Variants in E2F6 observed in about 807,000 individuals in gnomAD.
E2F6 encodes the protein transcription factor E2F6.
Under a neutral mutation model 31.5 loss-of-function variants are expected in E2F6, and 19 were observed. The ratio of observed to expected loss-of-function variants is 0.60; its 90% confidence interval spans 0.42 to 0.89. The LOEUF is 0.89. E2F6 is among the 40% of genes least tolerant of loss of function. E2F6 has a pLI of 0.00. For synonymous variants in E2F6, 121 were observed against 127.7 expected (o/e 0.95, Z 0.36); for missense variants, 269 against 341.6 (o/e 0.79, Z 1.67).
chr2:11,457,011 C>T, intron 2 of E2F6, 168 bp downstream of exon 2: 1 of 592,838 alleles, frequency 1.7e-6, no homozygotes, highest in East Asian at 3.0e-5. Flanking sequence ...GCACATGATT[C>T]AACCCATAAC....
chr2:11,459,364 C>T (rs988773755), intron 1 of E2F6, among the ~76,000 whole-genome samples: 1 of 152,164 alleles, frequency 6.6e-6, no homozygotes, highest in African/African-American at 2.4e-5. Context: ...GAAATAACAC[C>T]TCAGTTAGGC....
rs1032919153 is a variant in E2F6 at position 11,445,942 on chromosome 2, T to G, written c.*535A>C. 3 of 152,610 alleles carry G rather than the reference T, an allele frequency of 2.0e-5. No homozygotes were observed. Among genetic ancestry groups the G allele is most frequent in the African/African-American group, 7.2e-5 (3 of 41,418 alleles). The allele number at this position is 152,610 out of a possible 1,614,324, so 9.5% of individuals were successfully genotyped here. A position where few individuals can be genotyped will look rare whatever the true frequency, so the allele number is the denominator to read the frequency against. On this transcript the variant is annotated 3_prime_UTR_variant, in exon 7 of 7. Coordinates refer to ENST00000381525, the MANE Select transcript of E2F6 (RefSeq NM_198256.4). ...GAGATTAGAGAATTTGTCTGTCACT[T>G]TCCATATATACATTATTTTGGCTGT...
At chr2:11,463,140 T>C (rs1280749291) in intron 1 of E2F6, among the ~76,000 whole-genome samples, 1 of 152,196 alleles carries the variant, frequency 6.6e-6, no homozygotes, top group Non-Finnish European at 1.5e-5. Flanking sequence ...AGACCACCAA[T>C]ACAGATGGTA....
intron 3 of E2F6, among the ~76,000 whole-genome samples, 198 bp downstream of exon 3, chr2:11,453,384 T>C (rs931692592): frequency 1.3e-5 from 2 of 152,162 alleles, no homozygotes; most frequent in African/African-American, 2.4e-5. Context: ...CAATAATCAA[T>C]TGGAACTGAG....
chr2:11,452,351 C>T (rs1349267012), intron 3 of E2F6, among the ~76,000 whole-genome samples: 1 of 152,166 alleles, frequency 6.6e-6, no homozygotes, highest in Non-Finnish European at 1.5e-5. Flanking sequence ...CGCCTGTAAT[C>T]CCAGCACTTT....
At position 11,466,028 on chromosome 2, in the gene E2F6, G is replaced by C; in HGVS notation, c.-149C>G. 1.5e-6 allele frequency: 1 copy of C among 647,170 alleles called. No homozygotes were observed. The highest frequency in any genetic ancestry group is 2.4e-6 in the Non-Finnish European group (1 of 408,942). 40.1% of individuals were successfully genotyped at this position (647,170 alleles called of 1,614,324 possible). ...CTTCCTCCGAGGCGCCGCCCGGCTA[G>C]GCCGTCCCGCCCGCCAGTAAACGCG... is the stretch of plus-strand genomic sequence containing the variant. On this transcript the variant is annotated 5_prime_UTR_variant, in exon 1 of 7. Coordinates refer to ENST00000381525, the MANE Select transcript of E2F6 (RefSeq NM_198256.4).
At chr2:11,458,210 A>G in intron 1 of E2F6, 6 of 1,523,076 alleles carry the variant, frequency 3.9e-6, no homozygotes, top group Non-Finnish European at 5.4e-6. Flanking sequence ...AACTGGGGCA[A>G]GTGAATTCAT....
In E2F6 at chr2:11,464,573, T is replaced by C. The variant is rs566774153; in HGVS notation, c.108+1199A>G. ...TGTGAAGAGGAAGAGAGACAGTAGATGGGAGGGGATATGGAATCAAGGGAG... is the reference window on the plus strand; with the variant it reads ...TGTGAAGAGGAAGAGAGACAGTAGACGGGAGGGGATATGGAATCAAGGGAG... On this transcript the variant is annotated intron_variant, in intron 1 of 6. Transcript: ENST00000381525. 2.4e-4 allele frequency among the ~76,000 whole-genome samples: 30 copies of C among 126,104 alleles called. No individual in the cohort carries two copies. In the East Asian group the frequency reaches 5.9e-3, roughly 25 times the overall value. The allele number at this position is 126,104 out of a possible 152,430, so 82.7% of individuals were successfully genotyped here.
intron 2 of E2F6, among the ~76,000 whole-genome samples, chr2:11,454,461 TCTC>T (rs68093079): frequency 0.013 from 1,946 of 151,934 alleles, 27 homozygotes; most frequent in African/African-American, 0.04. Context: ...TTCAAGTAAT[TCTC>T]CTCCGGAGTA....
At chr2:11,453,823 G>A in intron 2 of E2F6, 25 bp from the exon 3 acceptor site, 2 of 1,580,100 alleles carry the variant, frequency 1.3e-6, no homozygotes, top group Non-Finnish European at 1.7e-6. Context: ...AAACATATTT[G>A]TAAAATTTTA....
Position 11,445,474 on chromosome 2 carries a change from T to C in E2F6, c.*1003A>G, listed in dbSNP as rs1211788586. 1.3e-5 allele frequency: 2 copies of C among 152,588 alleles called. No homozygotes were observed. The highest frequency in any genetic ancestry group is 6.5e-5 in the Admixed American group (1 of 15,280). The allele number at this position is 152,588 out of a possible 1,614,324, so 9.5% of individuals were successfully genotyped here. The stretch of plus-strand genomic sequence containing the variant: ...CCAATGAGGTAGAAACAGCTAGGTA[T>C]GTGAAAATGTGGGAGCAGAGCTGGA... On this transcript the variant is annotated 3_prime_UTR_variant, in exon 7 of 7. Coordinates refer to ENST00000381525, the MANE Select transcript of E2F6 (RefSeq NM_198256.4).
chr2:11,446,610 T>C lies in E2F6; in HGVS notation c.800-87A>G, dbSNP rs995837854. ...GGCAAATACGTAAAAGAATACACAA[T>C]CTGACTACTTCAGAAAACCCTGAAG... is the stretch of plus-strand genomic sequence containing the variant. On this transcript the variant is annotated intron_variant, in intron 6 of 6. Coordinates refer to ENST00000381525, the MANE Select transcript of E2F6 (RefSeq NM_198256.4). 1.9e-5 allele frequency: 21 copies of C among 1,115,384 alleles called. No homozygotes were observed. The African/African-American group carries it at 3.1e-4, about 17-fold the overall frequency. 69.1% of individuals were successfully genotyped at this position (1,115,384 alleles called of 1,614,324 possible).
At chr2:11,453,906 G>A (rs556540547) in intron 2 of E2F6, 108 bp from the exon 3 acceptor site, 1 of 945,718 alleles carries the variant, frequency 1.1e-6, no homozygotes, top group African/African-American at 1.7e-5. Flanking sequence ...CTACAGAAAT[G>A]CCTACACATT....
intron 1 of E2F6, among the ~76,000 whole-genome samples, chr2:11,464,257 G>A (rs1344907748): frequency 6.6e-6 from 1 of 152,112 alleles, no homozygotes; most frequent in Non-Finnish European, 1.5e-5. Context: ...AAGAAGTTTA[G>A]CTGTGAAAGC....
chr2:11,463,098 G>C (rs1671885961), intron 1 of E2F6, among the ~76,000 whole-genome samples: 1 of 152,224 alleles, frequency 6.6e-6, no homozygotes, highest in Non-Finnish European at 1.5e-5. Context: ...TCCACAGTGA[G>C]CTTAGAGTTT....
chr2:11,464,277 G>A (rs73181980), intron 1 of E2F6, among the ~76,000 whole-genome samples: 16,702 of 152,002 alleles, frequency 0.11, 2,898 homozygotes, highest in African/African-American at 0.37. Flanking sequence ...CACTTTGGGA[G>A]GCTGAGGCGG....
chr2:11,465,938 G>A lies in E2F6; in HGVS notation c.-59C>T. The A allele has an allele frequency of 7.0e-7, 1 of 1,422,406 alleles. No homozygotes were observed. The highest frequency in any genetic ancestry group is 9.4e-7 in the Non-Finnish European group (1 of 1,066,232). 88.1% of individuals were successfully genotyped at this position (1,422,406 alleles called of 1,614,324 possible). Reference sequence around the variant, plus strand: ...CCCACGAGCTCTCCCGCCCTCTCGCGCTCAGCTCGAGCACCGCCCCCCACG... The same window carrying A: ...CCCACGAGCTCTCCCGCCCTCTCGCACTCAGCTCGAGCACCGCCCCCCACG... On this transcript the variant is annotated 5_prime_UTR_variant, in exon 1 of 7. Transcript: ENST00000381525.
chr2:11,449,285 G>A lies in E2F6; in HGVS notation c.651+727C>T, dbSNP rs554223261. On this transcript the variant is annotated intron_variant, in intron 5 of 6. Coordinates refer to ENST00000381525, the MANE Select transcript of E2F6 (RefSeq NM_198256.4). ...GGGCTCACTTGAACAGTGGTCTGCTGGGGACAAAAGGAAAAACAGGTCAAG... is the reference window on the plus strand; with the variant it reads ...GGGCTCACTTGAACAGTGGTCTGCTAGGGACAAAAGGAAAAACAGGTCAAG... Among the ~76,000 whole-genome samples, 129 of 152,274 alleles carry A rather than the reference G, an allele frequency of 8.5e-4. No homozygotes were observed. In the South Asian group the frequency reaches 0.025, roughly 29 times the overall value.
chr2:11,451,824 T>C lies in E2F6; in HGVS notation c.381-18A>G, dbSNP rs775813949. Reference sequence around the variant, plus strand: ...CAGATCCTCTTTAGAAGAAAAAAAATGTCAGCATCAATACCAACTAGGAGA... The same window carrying C: ...CAGATCCTCTTTAGAAGAAAAAAAACGTCAGCATCAATACCAACTAGGAGA... On this transcript the variant is annotated intron_variant, in intron 3 of 6. Transcript: ENST00000381525. 1.2e-6 allele frequency: 2 copies of C among 1,600,116 alleles called. No individual in the cohort carries two copies. Among genetic ancestry groups the C allele is most frequent in the Non-Finnish European group, 1.7e-6 (2 of 1,171,820 alleles).
Sources: allele counts gnomAD v4.1 joint callset (sites outside exome capture counted in the v4.1 genomes callset), GRCh38; gene constraint gnomAD v4.1.1; transcripts MANE v1.5; gene names NCBI Gene and HGNC (gene_info 2026-07-23, HGNC 2026-07-21).